ATOSB: variants seen among roughly 807,000 people sequenced by gnomAD.
ATOSB encodes atos homolog B.
chr9:35,111,909 C>T, the ATOSB span, among the ~76,000 whole-genome samples: 1 of 152,196 alleles, frequency 6.6e-6, no homozygotes, highest in African/African-American at 2.4e-5. Flanking sequence ...CCGCCCTACT[C>T]CCCCGCCCTT....
At chr9:35,113,483 G>A in the ATOSB span, among the ~76,000 whole-genome samples, 1 of 152,124 alleles carries the variant, frequency 6.6e-6, no homozygotes, top group African/African-American at 2.4e-5. Flanking sequence ...AATTAGCTGA[G>A]TGTGGTGGCG....
chr9:35,107,471 G>C, the ATOSB span: 1 of 1,611,202 alleles, frequency 6.2e-7, no homozygotes, highest in South Asian at 1.1e-5. Flanking sequence ...GGTGGCCCAG[G>C]GATCCCCGGC....
chr9:35,105,042 T>A, the ATOSB span: 1 of 613,094 alleles, frequency 1.6e-6, no homozygotes, highest in Non-Finnish European at 2.6e-6. This position sits in a 1 kb window ranked among gnomAD's most constrained non-coding sequence, Gnocchi z 5.5. Flanking sequence ...GTACCCGAAG[T>A]AGGGCAGGGT....
chr9:35,111,653 C>T, the ATOSB span: 1 of 152,318 alleles, frequency 6.6e-6, no homozygotes, highest in South Asian at 2.1e-4. Flanking sequence ...GCCACGCCCC[C>T]CTCAGGCTAC....
the ATOSB span, chr9:35,106,676 T>C: frequency 6.6e-7 from 1 of 1,515,774 alleles, no homozygotes; most frequent in Non-Finnish European, 9.0e-7. The surrounding 1 kb of genome is among the most constrained non-coding windows in gnomAD (Gnocchi z 4.6). Flanking sequence ...GGGGGTTGGC[T>C]TGAGGTATTC....
the ATOSB span, chr9:35,116,152 C>T: frequency 6.6e-6 from 1 of 152,514 alleles, no homozygotes; most frequent in East Asian, 1.9e-4. Context: ...CACCAGGACC[C>T]GCCCCCTCGG....
the ATOSB span, chr9:35,105,265 C>T: frequency 3.7e-6 from 6 of 1,614,064 alleles, no homozygotes; most frequent in South Asian, 2.2e-5. This position sits in a 1 kb window ranked among gnomAD's most constrained non-coding sequence, Gnocchi z 5.5. Flanking sequence ...GCCTCGGTCA[C>T]AGCCTGCAGT....
At chr9:35,113,629 AAAATAAATAAATAAATAAAT>A in the ATOSB span, among the ~76,000 whole-genome samples, 365 of 142,538 alleles carry the variant, frequency 2.6e-3, no homozygotes, top group African/African-American at 7.7e-3. Flanking sequence ...CTCCGTCTCA[AAAATAAATAAATAAATAAAT>A]AAATAAATAA....
the ATOSB span, among the ~76,000 whole-genome samples, chr9:35,111,926 TC>T: frequency 6.6e-6 from 1 of 152,134 alleles, no homozygotes; most frequent in African/African-American, 2.4e-5. Context: ...CCTTCCTCCT[TC>T]CAGGACGGTT....
At chr9:35,115,807 G>T in the ATOSB span, 1 of 152,300 alleles carries the variant, frequency 6.6e-6, no homozygotes, top group African/African-American at 2.4e-5. Context: ...CCCCACACCT[G>T]TAGTTCCGTG....
At chr9:35,104,298 T>TG in the ATOSB span, 1 of 152,208 alleles carries the variant, frequency 6.6e-6, no homozygotes, top group East Asian at 1.9e-4. Flanking sequence ...GAGTCTGGAG[T>TG]GGGGAATGGG....
At chr9:35,106,805 A>G in the ATOSB span, 1 of 1,558,084 alleles carries the variant, frequency 6.4e-7, no homozygotes, top group Non-Finnish European at 8.7e-7. The surrounding 1 kb of genome is among the most constrained non-coding windows in gnomAD (Gnocchi z 4.6). Flanking sequence ...TCTCAGGGAC[A>G]GGGTAGAGGA....
the ATOSB span, among the ~76,000 whole-genome samples, chr9:35,114,546 A>C: frequency 2.0e-5 from 3 of 152,156 alleles, no homozygotes; most frequent in South Asian, 6.2e-4. Context: ...CTAGCACTCC[A>C]TCAAATCCCC....
the ATOSB span, among the ~76,000 whole-genome samples, chr9:35,114,079 CTCA>C: frequency 4.6e-5 from 7 of 152,316 alleles, no homozygotes; most frequent in East Asian, 1.3e-3. Context: ...CTGTTGTTCA[CTCA>C]TCTCCATATC....
At chr9:35,107,716 C>T in the ATOSB span, 50 of 1,600,884 alleles carry the variant, frequency 3.1e-5, no homozygotes, top group Middle Eastern at 2.2e-3. Context: ...AAATCAGTGT[C>T]AAGTGTGTGC....
chr9:35,108,071 T>C, the ATOSB span: 7 of 1,534,690 alleles, frequency 4.6e-6, no homozygotes, highest in Non-Finnish European at 6.1e-6. Flanking sequence ...ATGGGGCTTG[T>C]CGTTTCAGGG....
the ATOSB span, chr9:35,116,172 T>G: frequency 6.6e-6 from 1 of 152,044 alleles, no homozygotes; most frequent in Non-Finnish European, 1.5e-5. Flanking sequence ...GATTCCAGCC[T>G]GGCAGAAGTC....
chr9:35,109,436 A>C, the ATOSB span: 1 of 152,338 alleles, frequency 6.6e-6, no homozygotes, highest in Admixed American at 6.5e-5. Context: ...GCTGGAAGCA[A>C]CTAGGGAGTA....
chr9:35,112,429 C>T, the ATOSB span: 1 of 152,198 alleles, frequency 6.6e-6, no homozygotes, highest in South Asian at 2.1e-4. Flanking sequence ...TGGAGCTCAA[C>T]CCCATGACTC....
Sources: allele counts gnomAD v4.1 joint callset (sites outside exome capture counted in the v4.1 genomes callset), GRCh38; gene constraint gnomAD v4.1.1; non-coding constraint Gnocchi (gnomAD v3.1); transcripts MANE v1.5; gene names NCBI Gene and HGNC (gene_info 2026-07-23, HGNC 2026-07-21).